The following SMIM41 variants were observed in gnomAD, a reference collection of about 807,000 sequenced individuals.
SMIM41 encodes small integral membrane protein 41.
chr12:52,080,674 A>C (rs1314506897), intron 1 of SMIM41, among the ~76,000 whole-genome samples: 1 of 152,200 alleles, frequency 6.6e-6, no homozygotes, highest in Non-Finnish European at 1.5e-5. Flanking sequence ...GGAGACAGGC[A>C]GGCGGCTCCA....
chr12:52,106,094 C>A (rs1287079532), intron 2 of SMIM41, among the ~76,000 whole-genome samples: 3 of 152,200 alleles, frequency 2.0e-5, no homozygotes, highest in Non-Finnish European at 4.4e-5. Context: ...ATGGAAATAT[C>A]CCCTGACCTG....
intron 2 of SMIM41, among the ~76,000 whole-genome samples, chr12:52,095,285 C>A (rs1940072276): frequency 6.6e-6 from 1 of 151,744 alleles, no homozygotes; most frequent in South Asian, 2.1e-4. Context: ...TCCCCCCTCT[C>A]CCCCACTGGA....
intron 2 of SMIM41, among the ~76,000 whole-genome samples, chr12:52,087,176 G>A (rs1375612155): frequency 6.6e-6 from 1 of 152,198 alleles, no homozygotes; most frequent in African/African-American, 2.4e-5. Context: ...CCAGAGGAGG[G>A]CCGGGCCTCC....
At chr12:52,097,306 C>T (rs1940115938) in intron 2 of SMIM41, among the ~76,000 whole-genome samples, 1 of 151,910 alleles carries the variant, frequency 6.6e-6, no homozygotes, top group Non-Finnish European at 1.5e-5. Flanking sequence ...CGATACACAT[C>T]GCAGGGGGGC....
intron 2 of SMIM41, among the ~76,000 whole-genome samples, chr12:52,103,074 C>T (rs953129991): frequency 5.3e-5 from 8 of 152,038 alleles, no homozygotes; most frequent in Non-Finnish European, 1.2e-4. Flanking sequence ...GCCTGTAATC[C>T]CAGCATCTTG....
At position 52,081,871 on chromosome 12, in the gene SMIM41, C is replaced by T. The variant is rs542498153; in HGVS notation, c.*120+1690C>T. On this transcript the variant is annotated intron_variant, in intron 1 of 2. Transcript: ENST00000546390. This position sits in a 1 kb window ranked among gnomAD's most constrained non-coding sequence, Gnocchi z 4.1. The stretch of plus-strand genomic sequence containing the variant: ...TGGGCCCTGATTCCAAGTTCAGGCC[C>T]CCTTCTGGCACTTGGGGGCCCCTCT... Among the ~76,000 whole-genome samples, 1 of 152,274 alleles carries T rather than the reference C, an allele frequency of 6.6e-6. No homozygotes were observed. The highest frequency in any genetic ancestry group is 1.9e-4 in the East Asian group (1 of 5,182).
chr12:52,091,370 A>T (rs1940001012), intron 2 of SMIM41, among the ~76,000 whole-genome samples: 2 of 152,188 alleles, frequency 1.3e-5, no homozygotes, highest in African/African-American at 4.8e-5. Flanking sequence ...TTCTTGAGCA[A>T]CCTAAACCCA....
intron 2 of SMIM41, among the ~76,000 whole-genome samples, chr12:52,086,566 C>T (rs767234639): frequency 1.1e-4 from 16 of 152,222 alleles, no homozygotes; most frequent in African/African-American, 1.4e-4. Context: ...CTGACTTCCA[C>T]GAGGCTTCTG....
chr12:52,102,589 C>A (rs1940239200), intron 2 of SMIM41, among the ~76,000 whole-genome samples: 1 of 152,170 alleles, frequency 6.6e-6, no homozygotes, highest in East Asian at 1.9e-4. Context: ...AGACATGTCC[C>A]TAAAGAAGAT....
chr12:52,099,348 A>C (rs1224254471), intron 2 of SMIM41, among the ~76,000 whole-genome samples: 1 of 151,758 alleles, frequency 6.6e-6, no homozygotes, highest in African/African-American at 2.4e-5. Flanking sequence ...GGTGGTTTAC[A>C]TCCCCTGCGA....
chr12:52,086,444 C>T (rs1939893977), intron 2 of SMIM41, among the ~76,000 whole-genome samples: 1 of 152,176 alleles, frequency 6.6e-6, no homozygotes, highest in Non-Finnish European at 1.5e-5. Context: ...TGAATGCTAT[C>T]CCAGGCACAT....
intron 2 of SMIM41, among the ~76,000 whole-genome samples, chr12:52,098,734 C>CGG (rs34609593): frequency 0.02 from 2,591 of 132,848 alleles, 41 homozygotes; most frequent in African/African-American, 0.028. Flanking sequence ...AACAATATCA[C>CGG]GGGGGGGGGG....
intron 2 of SMIM41, among the ~76,000 whole-genome samples, chr12:52,093,988 G>A (rs1315705490): frequency 6.6e-6 from 1 of 151,704 alleles, no homozygotes; most frequent in Admixed American, 6.6e-5. Context: ...AGAATTAGCC[G>A]GGTGTGGTAG....
chr12:52,082,891 A>T (rs1431324280), intron 1 of SMIM41, among the ~76,000 whole-genome samples: 1 of 152,102 alleles, frequency 6.6e-6, no homozygotes, highest in Non-Finnish European at 1.5e-5. Flanking sequence ...CCAGCAAGAG[A>T]GCCTGCTCTC....
chr12:52,083,465 C>T (rs1209476996), intron 1 of SMIM41, among the ~76,000 whole-genome samples: 3 of 152,198 alleles, frequency 2.0e-5, no homozygotes, highest in East Asian at 1.9e-4. Flanking sequence ...ATATAGCAAC[C>T]CCAGCCCCTG....
chr12:52,085,670 C>T (rs1379724413), intron 2 of SMIM41, among the ~76,000 whole-genome samples: 1 of 124,368 alleles, frequency 8.0e-6, no homozygotes, highest in Non-Finnish European at 1.9e-5. Flanking sequence ...TGACTCTGTG[C>T]TAACCCTGAA....
At position 52,107,635 on chromosome 12, in the gene SMIM41, C is replaced by T. The variant is rs1940367784; in HGVS notation, c.*452C>T. 8.6e-6 allele frequency: 5 copies of T among 578,494 alleles called. No homozygotes were observed. Among genetic ancestry groups the T allele is most frequent in the Non-Finnish European group, 1.7e-5 (5 of 301,666 alleles). The allele number at this position is 578,494 out of a possible 1,614,324, so 35.8% of individuals were successfully genotyped here. A position where few individuals can be genotyped will look rare whatever the true frequency, so the allele number is the denominator to read the frequency against. On this transcript the variant is annotated 3_prime_UTR_variant, in exon 3 of 3. Transcript: ENST00000546390. ...TATGCAGGCTGCCTGACTCAGAAGT[C>T]TCTCTTTGCCATTTTTGGAGGCACG...
At position 52,105,662 on chromosome 12, in the gene SMIM41, A is replaced by G. The variant is rs1309467769; in HGVS notation, c.*196-1717A>G. Among the ~76,000 whole-genome samples, 11 of 152,242 alleles carry G rather than the reference A, an allele frequency of 7.2e-5. 1 individual carries two copies. The highest frequency in any genetic ancestry group is 4.6e-4 in the Admixed American group (7 of 15,290). Reference sequence around the variant, plus strand: ...CAGCTGCTCAGCAGGCTGAGGCAGGAGAATAGCTTGAACCTGGGATGCGGA... The same window carrying G: ...CAGCTGCTCAGCAGGCTGAGGCAGGGGAATAGCTTGAACCTGGGATGCGGA... On this transcript the variant is annotated intron_variant, in intron 2 of 2. Transcript: ENST00000546390.
chr12:52,097,768 C>A (rs1235782440), intron 2 of SMIM41, among the ~76,000 whole-genome samples: 1 of 151,932 alleles, frequency 6.6e-6, no homozygotes, highest in African/African-American at 2.4e-5. Flanking sequence ...GACACTTTGA[C>A]GATATTGGGA....
Sources: gnomAD v4.1 joint callset for allele counts (sites outside exome capture counted in the v4.1 genomes callset) on GRCh38, gnomAD v4.1.1 for gene constraint, Gnocchi (gnomAD v3.1) non-coding constraint, MANE v1.5 for transcripts, NCBI Gene and HGNC (gene_info 2026-07-23, HGNC 2026-07-21) for gene names.